Variants in KIF26B observed in about 807,000 individuals in gnomAD.
KIF26B encodes the protein kinesin-like protein KIF26B.
Under a neutral mutation model 151.2 loss-of-function variants are expected in KIF26B, and 63 were observed. The observed-to-expected ratio is 0.42, with a 90% CI of 0.34 to 0.51. The LOEUF is 0.51. Ranked by LOEUF, KIF26B falls within the 20% of genes least tolerant of loss-of-function variation. The pLI, the probability that KIF26B is intolerant of heterozygous loss-of-function variation, is 0.07. For synonymous variants in KIF26B, 1,357 were observed against 1,262.1 expected, an observed-to-expected ratio of 1.08 and a Z score of -1.59; for missense variants, 2,813 against 2,913.6, an observed-to-expected ratio of 0.97 and a Z score of 0.79.
At chr1:245,576,684 GA>G (rs969660591) in intron 5 of KIF26B, among the ~76,000 whole-genome samples, 2 of 152,174 alleles carry the variant, frequency 1.3e-5, no homozygotes, top group African/African-American at 4.8e-5. Flanking sequence ...TAGGGCTTGG[GA>G]AAGGGGGTTC....
At chr1:245,270,617 G>C (rs1002796376) in intron 2 of KIF26B, among the ~76,000 whole-genome samples, 1 of 151,974 alleles carries the variant, frequency 6.6e-6, no homozygotes, top group African/African-American at 2.4e-5. Context: ...TTAAAAATTG[G>C]TTTATTTGCT....
chr1:245,491,658 A>C (rs1041089591), intron 4 of KIF26B, among the ~76,000 whole-genome samples: 1 of 152,222 alleles, frequency 6.6e-6, no homozygotes, highest in Non-Finnish European at 1.5e-5. Context: ...CTATCATCTC[A>C]GCACTTCGGG....
intron 5 of KIF26B, among the ~76,000 whole-genome samples, chr1:245,577,575 C>T (rs1188057909): frequency 6.6e-6 from 1 of 151,262 alleles, no homozygotes; most frequent in African/African-American, 2.4e-5. Flanking sequence ...GAACTCCAGG[C>T]GATGCTTCCC....
intron 9 of KIF26B, among the ~76,000 whole-genome samples, chr1:245,635,769 A>G (rs762695043): frequency 1.3e-5 from 2 of 152,102 alleles, no homozygotes; most frequent in Non-Finnish European, 2.9e-5. Context: ...ATTTAATGCT[A>G]TACGTTTGTT....
At chr1:245,553,685 C>T (rs1481808928) in intron 5 of KIF26B, among the ~76,000 whole-genome samples, 1 of 152,062 alleles carries the variant, frequency 6.6e-6, no homozygotes, top group African/African-American at 2.4e-5. Flanking sequence ...GAGGAAAAAC[C>T]ATGATCCTTT....
intron 3 of KIF26B, among the ~76,000 whole-genome samples, chr1:245,385,096 A>G (rs1673511582): frequency 1.3e-5 from 2 of 152,190 alleles, no homozygotes; most frequent in African/African-American, 2.4e-5. Context: ...CTCTGAGAAT[A>G]GGTGGGCAAC....
intron 3 of KIF26B, among the ~76,000 whole-genome samples, chr1:245,411,254 C>T (rs1006290458): frequency 1.3e-5 from 2 of 152,122 alleles, no homozygotes; most frequent in Non-Finnish European, 2.9e-5. Context: ...CTCTGGTGTG[C>T]GCGAAGAAAA....
intron 2 of KIF26B, among the ~76,000 whole-genome samples, chr1:245,222,715 A>G (rs1669798842): frequency 6.6e-6 from 1 of 152,228 alleles, no homozygotes; most frequent in Admixed American, 6.5e-5. Context: ...TGGATAAACA[A>G]TAGAGTTTTT....
At chr1:245,272,495 T>C (rs1158074322) in intron 2 of KIF26B, among the ~76,000 whole-genome samples, 2 of 112,584 alleles carry the variant, frequency 1.8e-5, no homozygotes, top group Admixed American at 8.9e-5. Flanking sequence ...TTTTCTATTG[T>C]TTTTATATTT....
intron 2 of KIF26B, among the ~76,000 whole-genome samples, chr1:245,253,193 G>A (rs1490862218): frequency 6.6e-6 from 1 of 151,690 alleles, no homozygotes; most frequent in Non-Finnish European, 1.5e-5. Context: ...ATTTTTAGTA[G>A]AGATGGGGTT....
chr1:245,333,796 G>C (rs1672166427), intron 2 of KIF26B, among the ~76,000 whole-genome samples: 2 of 152,144 alleles, frequency 1.3e-5, no homozygotes, highest in African/African-American at 4.8e-5. Flanking sequence ...TCAGGAGTTT[G>C]AGACCAGCCT....
intron 2 of KIF26B, among the ~76,000 whole-genome samples, chr1:245,225,711 C>T (rs1314422901): frequency 6.6e-6 from 1 of 152,156 alleles, no homozygotes; most frequent in African/African-American, 2.4e-5. Context: ...TTTCCTCGGT[C>T]CGTAGGGATG....
intron 9 of KIF26B, among the ~76,000 whole-genome samples, chr1:245,624,247 C>A (rs1059736): frequency 0.7 from 105,527 of 150,942 alleles, 36,895 homozygotes; most frequent in East Asian, 0.89. Flanking sequence ...AAAACCTATA[C>A]TAGAACTGGA....
chr1:245,354,900 G>A (rs968552935), intron 2 of KIF26B, among the ~76,000 whole-genome samples: 2 of 152,146 alleles, frequency 1.3e-5, no homozygotes, highest in African/African-American at 4.8e-5. Context: ...ATCTAGGACT[G>A]GATGATTTTT....
chr1:245,664,952 C>A lies in KIF26B; in HGVS notation c.2258+18672C>A, dbSNP rs565555647. ...TTTTTGATAACTGTGGCTTCTGTTTCTCTTGATAGAATATCACAGTTTGTT... is the reference window on the plus strand; with the variant it reads ...TTTTTGATAACTGTGGCTTCTGTTTATCTTGATAGAATATCACAGTTTGTT... On this transcript the variant is annotated intron_variant, in intron 10 of 14. Coordinates refer to ENST00000407071, the MANE Select transcript of KIF26B (RefSeq NM_018012.4). Among the ~76,000 whole-genome samples the A allele has an allele frequency of 1.7e-4, 26 of 152,230 alleles. No individual in the cohort carries two copies. In the South Asian group the frequency reaches 5.4e-3, roughly 32 times the overall value.
intron 2 of KIF26B, chr1:245,206,600 T>G (rs1468331330): frequency 6.6e-6 from 1 of 152,188 alleles, no homozygotes; most frequent in East Asian, 1.9e-4. Flanking sequence ...CTTTGAGGAA[T>G]AAGATGCATC....
intron 4 of KIF26B, among the ~76,000 whole-genome samples, chr1:245,533,453 T>C (rs1265279137): frequency 2.0e-5 from 3 of 152,118 alleles, no homozygotes; most frequent in African/African-American, 7.2e-5. Context: ...TATTTGAGCA[T>C]CCCACACTTG....
intron 2 of KIF26B, among the ~76,000 whole-genome samples, chr1:245,180,797 A>G (rs969179902): frequency 6.6e-6 from 1 of 152,084 alleles, no homozygotes; most frequent in African/African-American, 2.4e-5. Flanking sequence ...CCACAGCAGG[A>G]TTTGGGGTCC....
chr1:245,462,445 G>T (rs1484485976), intron 4 of KIF26B, among the ~76,000 whole-genome samples: 1 of 152,180 alleles, frequency 6.6e-6, no homozygotes, highest in Non-Finnish European at 1.5e-5. Flanking sequence ...TTTAGACTGG[G>T]CATAGTTTAC....
Sources: gnomAD v4.1 joint callset for allele counts (sites outside exome capture counted in the v4.1 genomes callset) on GRCh38, gnomAD v4.1.1 for gene constraint, MANE v1.5 for transcripts, NCBI Gene and HGNC (gene_info 2026-07-23, HGNC 2026-07-21) for gene names.